SEMA3D: variants seen among roughly 807,000 people sequenced by gnomAD.
SEMA3D encodes semaphorin-3D.
SEMA3D carries 84 observed loss-of-function variants against 100.1 expected under a neutral mutation model. The observed-to-expected ratio is 0.84, with a 90% CI of 0.70 to 1.01. The LOEUF (loss-of-function observed/expected upper bound fraction) is 1.01, where lower values mean the gene tolerates loss of function less well. Among genes scored for constraint, SEMA3D ranks in the 50% least tolerant of loss-of-function variants. The pLI, the probability that SEMA3D is intolerant of heterozygous loss-of-function variation, is 0.00. For synonymous variants in SEMA3D, 312 were observed against 320.7 expected (o/e 0.97, Z 0.29); for missense variants, 875 against 934.1 (o/e 0.94, Z 0.82).
chr7:85,201,311 A>C, the SEMA3D span, among the ~76,000 whole-genome samples: 2 of 152,106 alleles, frequency 1.3e-5, no homozygotes, highest in African/African-American at 4.8e-5. Context: ...CTACACTTTT[A>C]AGCCCCTTCA....
the SEMA3D span, among the ~76,000 whole-genome samples, chr7:85,216,666 G>A: frequency 1.3e-5 from 2 of 151,616 alleles, no homozygotes; most frequent in East Asian, 3.9e-4. Flanking sequence ...TGTTATCAGT[G>A]CTAATAATGT....
At chr7:85,028,899 T>G (rs1562788901) in intron 12 of SEMA3D, 6 of 245,466 alleles carry the variant, frequency 2.4e-5, no homozygotes, top group Non-Finnish European at 5.0e-5. Flanking sequence ...CAATGGAAAA[T>G]AGCTGAATGA....
chr7:85,142,980 T>C, intron 2 of SEMA3D: 1 of 984,468 alleles, frequency 1.0e-6, no homozygotes, highest in Non-Finnish European at 1.2e-6. Context: ...AATTCTACCT[T>C]AGACAACTTA....
chr7:85,088,397 C>T (rs748218891), intron 4 of SEMA3D, among the ~76,000 whole-genome samples: 4 of 152,134 alleles, frequency 2.6e-5, no homozygotes, highest in Non-Finnish European at 4.4e-5. Context: ...GTCAAAACAA[C>T]TGAATGAGAC....
the SEMA3D span, among the ~76,000 whole-genome samples, chr7:85,195,834 C>T: frequency 6.6e-6 from 1 of 152,106 alleles, no homozygotes; most frequent in Non-Finnish European, 1.5e-5. Context: ...TTTTGAGATA[C>T]TGCTAGGCAT....
intron 2 of SEMA3D, among the ~76,000 whole-genome samples, chr7:85,145,165 T>C (rs1423544327): frequency 6.6e-6 from 1 of 152,148 alleles, no homozygotes; most frequent in Non-Finnish European, 1.5e-5. Context: ...ACAGTGTTTT[T>C]TTAACCCTTA....
chr7:85,009,262 T>C (rs965285000), intron 17 of SEMA3D, among the ~76,000 whole-genome samples: 1 of 151,748 alleles, frequency 6.6e-6, no homozygotes, highest in Non-Finnish European at 1.5e-5. Context: ...GTCATTAAAG[T>C]GCAAGATTGA....
chr7:85,129,845 T>C (rs1269109509), intron 2 of SEMA3D, among the ~76,000 whole-genome samples: 1 of 152,114 alleles, frequency 6.6e-6, no homozygotes, highest in Non-Finnish European at 1.5e-5. Flanking sequence ...AAACATTTAA[T>C]CTAAAAAAAC....
At chr7:85,009,397 C>T (rs758001583) in intron 17 of SEMA3D, among the ~76,000 whole-genome samples, 1 of 151,586 alleles carries the variant, frequency 6.6e-6, no homozygotes, top group African/African-American at 2.4e-5. Context: ...AGAAAAGAAA[C>T]ATCTTTGCCC....
upstream of SEMA3D, among the ~76,000 whole-genome samples, chr7:85,190,760 C>G (rs1022760371): frequency 2.1e-4 from 32 of 152,162 alleles, no homozygotes; most frequent in African/African-American, 7.0e-4. Context: ...AACAGTTTAT[C>G]TTTAGTTAAT....
chr7:85,065,575 CA>C (rs1791595174), intron 7 of SEMA3D, 23 bp from the exon 8 acceptor site: 1 of 1,602,908 alleles, frequency 6.2e-7, no homozygotes, highest in Non-Finnish European at 8.5e-7. Context: ...AAAAAGTACA[CA>C]GAACTTTTAA....
At chr7:85,142,102 T>G (rs1036569318) in intron 2 of SEMA3D, 23 of 984,508 alleles carry the variant, frequency 2.3e-5, no homozygotes, top group Non-Finnish European at 2.7e-5. Flanking sequence ...TGCATTTTAG[T>G]TTTGATGTAT....
chr7:85,159,983 A>G (rs1026901351), intron 1 of SEMA3D: 6 of 983,752 alleles, frequency 6.1e-6, no homozygotes, highest in Non-Finnish European at 7.2e-6. Context: ...CTCCAGAGGT[A>G]TCATATCTAC....
At chr7:85,224,622 C>A in the SEMA3D span, among the ~76,000 whole-genome samples, 1 of 152,124 alleles carries the variant, frequency 6.6e-6, no homozygotes, top group African/African-American at 2.4e-5. Context: ...TTAGCTAGAT[C>A]ATGTAACAAC....
chr7:85,108,067 A>G (rs1014665415), intron 3 of SEMA3D, among the ~76,000 whole-genome samples: 1 of 152,194 alleles, frequency 6.6e-6, no homozygotes, highest in Non-Finnish European at 1.5e-5. Flanking sequence ...CTCAAAGTTC[A>G]ATTTCATATC....
At chr7:85,019,813 T>A (rs905743081) in intron 14 of SEMA3D, among the ~76,000 whole-genome samples, 2 of 151,608 alleles carry the variant, frequency 1.3e-5, no homozygotes, top group East Asian at 2.0e-4. Context: ...ACCTATATAT[T>A]TTTTTAATTT....
At chr7:85,074,702 C>T (rs965533006) in intron 5 of SEMA3D, among the ~76,000 whole-genome samples, 11 of 151,692 alleles carry the variant, frequency 7.3e-5, no homozygotes, top group South Asian at 4.2e-4. Context: ...CTGCAGCCTC[C>T]GCTTCCCAGG....
chr7:85,151,251 C>T (rs1474111616), intron 2 of SEMA3D, among the ~76,000 whole-genome samples: 1 of 151,974 alleles, frequency 6.6e-6, no homozygotes, highest in Non-Finnish European at 1.5e-5. Flanking sequence ...AGAAAATGGT[C>T]CATTTTCTCA....
chr7:85,025,723 A>G (rs898091419), intron 12 of SEMA3D, among the ~76,000 whole-genome samples: 3 of 152,028 alleles, frequency 2.0e-5, no homozygotes, highest in Non-Finnish European at 4.4e-5. Flanking sequence ...TTTATAGAGT[A>G]AAAATGCAAA....
Sources: allele counts gnomAD v4.1 joint callset (sites outside exome capture counted in the v4.1 genomes callset), GRCh38; gene constraint gnomAD v4.1.1; transcripts MANE v1.5; gene names NCBI Gene and HGNC (gene_info 2026-07-23, HGNC 2026-07-21).